The following THRAP3 variants were observed in gnomAD, a reference collection of about 807,000 sequenced individuals.
The protein encoded by THRAP3 is thyroid hormone receptor-associated protein 3.
THRAP3 carries 16 observed loss-of-function variants against 101.0 expected under a neutral mutation model. The ratio of observed to expected loss-of-function variants is 0.16; its 90% CI spans 0.11 to 0.24. The LOEUF is 0.24. Among genes scored for constraint, THRAP3 ranks in the 10% least tolerant of loss-of-function variants. THRAP3 has a pLI of 1.00. For missense variants in THRAP3, 989 were observed against 1,202.7 expected (o/e 0.82, Z 2.63); for synonymous variants, 407 against 422.6 (o/e 0.96, Z 0.45).
the THRAP3 span, among the ~76,000 whole-genome samples, chr1:36,210,584 G>A: frequency 2.1e-5 from 3 of 140,436 alleles, no homozygotes; most frequent in Admixed American, 7.5e-5. Flanking sequence ...CCGGCTACTC[G>A]GGAGCTGAGG....
chr1:36,296,004 T>C (rs904852753), intron 8 of THRAP3, among the ~76,000 whole-genome samples: 2 of 135,158 alleles, frequency 1.5e-5, no homozygotes, highest in African/African-American at 5.6e-5. Context: ...GAGATAGTCT[T>C]GTTCTATTGG....
chr1:36,215,238 C>T, the THRAP3 span, among the ~76,000 whole-genome samples: 1 of 151,770 alleles, frequency 6.6e-6, no homozygotes, highest in African/African-American at 2.4e-5. Flanking sequence ...AAAAACAAAA[C>T]AAAAAAAACC....
intron 2 of THRAP3, among the ~76,000 whole-genome samples, chr1:36,266,847 C>T (rs933442511): frequency 7.6e-6 from 1 of 131,872 alleles, no homozygotes; most frequent in African/African-American, 2.6e-5. Flanking sequence ...GATTATAATA[C>T]GAATATTTAT....
intron 4 of THRAP3, chr1:36,288,509 C>T: frequency 1.0e-6 from 1 of 985,442 alleles, no homozygotes; most frequent in Non-Finnish European, 1.2e-6. Context: ...GTCACCCTCT[C>T]CCCCATTAAC....
At chr1:36,261,962 T>C (rs1487834048) in intron 2 of THRAP3, among the ~76,000 whole-genome samples, 2 of 152,182 alleles carry the variant, frequency 1.3e-5, no homozygotes, top group Non-Finnish European at 2.9e-5. Flanking sequence ...TAAAAGTGAC[T>C]GGACAGTACT....
intron 2 of THRAP3, among the ~76,000 whole-genome samples, chr1:36,267,510 T>C (rs1268522940): frequency 2.0e-5 from 3 of 152,136 alleles, no homozygotes; most frequent in Admixed American, 6.6e-5. Flanking sequence ...TTAGGGACCC[T>C]GAACACTTGT....
At chr1:36,301,116 G>C in intron 10 of THRAP3, 32 bp downstream of exon 10, 1 of 1,603,408 alleles carries the variant, frequency 6.2e-7, no homozygotes, top group Non-Finnish European at 8.5e-7. Flanking sequence ...CTTTCTCTGA[G>C]ACCCTTGCTC....
chr1:36,237,052 T>C (rs1266878331), intron 1 of THRAP3, among the ~76,000 whole-genome samples: 5 of 152,136 alleles, frequency 3.3e-5, no homozygotes, highest in Admixed American at 3.3e-4. Flanking sequence ...GGCGCATCCC[T>C]GTAATCCCAG....
chr1:36,253,993 A>G (rs977336359), intron 1 of THRAP3, among the ~76,000 whole-genome samples: 17 of 152,096 alleles, frequency 1.1e-4, no homozygotes, highest in Non-Finnish European at 8.8e-5. Context: ...CGCAACAGTA[A>G]TAGTGGTTAA....
At chr1:36,226,805 GCTT>G (rs1644967072) in intron 1 of THRAP3, among the ~76,000 whole-genome samples, 1 of 152,170 alleles carries the variant, frequency 6.6e-6, no homozygotes, top group Non-Finnish European at 1.5e-5. Flanking sequence ...TCATTTACCA[GCTT>G]CTGTTGTGGG....
chr1:36,277,409 A>G (rs9330252), intron 2 of THRAP3, among the ~76,000 whole-genome samples: 134,133 of 151,924 alleles, frequency 0.88, 61,624 homozygotes, highest in Non-Finnish European at 1. Context: ...CATGTTGGTC[A>G]GGCTGGTCTC....
chr1:36,300,930 C>T lies in THRAP3; in HGVS notation c.2348C>T (p.Ser783Phe). 6.2e-7 allele frequency: 1 copy of T among 1,614,052 alleles called. No individual in the cohort carries two copies. Among genetic ancestry groups the T allele is most frequent in the Non-Finnish European group, 8.5e-7 (1 of 1,180,002 alleles). The change falls in exon 10 of 12, where the codon TCC becomes TTC. Residue 783 changes from serine (S) to phenylalanine (F), a missense_variant. Physicochemically the swap from Ser to Phe is radical, Grantham distance 155. Coordinates refer to ENST00000354618, the MANE Select transcript of THRAP3 (RefSeq NM_005119.4). ...GACAGGTCCAGATCCTCCTCCTCTT[C>T]CTCCCAGTCATCTCACTCCTACAAA... ...ARDRSRSSSS[S>F]SQSSHSYKAE...
chr1:36,242,717 C>T (rs571003629), intron 1 of THRAP3, among the ~76,000 whole-genome samples: 2 of 152,140 alleles, frequency 1.3e-5, no homozygotes, highest in Non-Finnish European at 2.9e-5. Flanking sequence ...TCCCAAAGTG[C>T]TGGGATTACA....
upstream of THRAP3, among the ~76,000 whole-genome samples, chr1:36,220,479 C>T (rs998605824): frequency 6.6e-6 from 1 of 151,906 alleles, no homozygotes; most frequent in African/African-American, 2.4e-5. Flanking sequence ...AGTTCGAGAC[C>T]AGCCTGGTCA....
At chr1:36,223,373 A>G (rs1010239968), upstream of THRAP3, among the ~76,000 whole-genome samples, 1 of 152,134 alleles carries the variant, frequency 6.6e-6, no homozygotes, top group African/African-American at 2.4e-5. Context: ...TACTGTGTCT[A>G]CTTTTCTCTG....
At chr1:36,293,818 G>T (rs376111133) in intron 7 of THRAP3, 33 bp from the exon 8 acceptor site, 340 of 1,556,354 alleles carry the variant, frequency 2.2e-4, no homozygotes, top group Middle Eastern at 3.4e-4. Flanking sequence ...TCACACAATG[G>T]AATACTATAT....
chr1:36,278,574 ATTCTT>A (rs1645691047), intron 2 of THRAP3, among the ~76,000 whole-genome samples: 1 of 152,136 alleles, frequency 6.6e-6, no homozygotes, highest in African/African-American at 2.4e-5. Flanking sequence ...TTGAAAACAA[ATTCTT>A]TCTCCTAGTG....
intron 1 of THRAP3, among the ~76,000 whole-genome samples, chr1:36,244,501 T>G (rs1483655048): frequency 6.6e-6 from 1 of 152,250 alleles, no homozygotes; most frequent in Non-Finnish European, 1.5e-5. Flanking sequence ...TTTACTATAC[T>G]TAGTGTCAAA....
chr1:36,296,550 C>A, intron 8 of THRAP3, 33 bp from the exon 9 acceptor site: 1 of 1,501,262 alleles, frequency 6.7e-7, no homozygotes, highest in South Asian at 1.4e-5. Flanking sequence ...CTCTGAATCC[C>A]AGAAACCTTA....
Sources: gnomAD v4.1 joint callset for allele counts (sites outside exome capture counted in the v4.1 genomes callset) on GRCh38, gnomAD v4.1.1 for gene constraint, MANE v1.5 for transcripts, NCBI Gene and HGNC (gene_info 2026-07-23, HGNC 2026-07-21) for gene names.